The following CCDC171 variants were observed in gnomAD, a reference collection of about 807,000 sequenced individuals.
CCDC171 encodes coiled-coil domain containing 171, also known as coiled-coil domain-containing protein 171.
A neutral mutation model predicts 168.2 loss-of-function variants in CCDC171; 177 were observed. That is an observed-to-expected ratio of 1.05 (90% CI 0.93 to 1.19). The LOEUF (loss-of-function observed/expected upper bound fraction) is 1.19. Ranked by LOEUF, CCDC171 falls within the 50% of genes most tolerant of loss-of-function variation. The pLI, the probability that CCDC171 is intolerant of heterozygous loss-of-function variation, is 0.00. For synonymous variants in CCDC171, 687 were observed against 540.8 expected (o/e 1.27, Z -3.75); for missense variants, 1,991 against 1,539.0 (o/e 1.29, Z -4.91).
chr9:15,960,164 A>G (rs1439195172), intron 25 of CCDC171, among the ~76,000 whole-genome samples: 2 of 152,202 alleles, frequency 1.3e-5, no homozygotes, highest in East Asian at 1.9e-4. Flanking sequence ...GCTATTGTGC[A>G]TCAAAGCTTT....
chr9:15,651,114 A>AT lies in CCDC171; in HGVS notation c.823-6000dup, dbSNP rs1210550059. On this transcript the variant is annotated intron_variant, in intron 7 of 25. Coordinates refer to ENST00000380701, the MANE Select transcript of CCDC171 (RefSeq NM_173550.4). Reference sequence around the variant, plus strand: ...TACTTTTATTTTTTAATTTTTTAGAATTTTTTTTTTTTTGAGATGAAGTCT... The same window carrying AT: ...TACTTTTATTTTTTAATTTTTTAGAATTTTTTTTTTTTTTGAGATGAAGTCT... Among the ~76,000 whole-genome samples the AT allele has an allele frequency of 5.3e-3, 763 of 144,806 alleles. 5 individuals carry two copies. Among genetic ancestry groups the AT allele is most frequent in the African/African-American group, 9.8e-3 (389 of 39,668 alleles). The allele number at this position is 144,806 out of a possible 152,430, so 95.0% of individuals were successfully genotyped here.
chr9:15,994,111 A>G (rs1199514023), intron 3 of CCDC171, among the ~76,000 whole-genome samples: 1 of 152,112 alleles, frequency 6.6e-6, no homozygotes, highest in East Asian at 1.9e-4. Flanking sequence ...GGATTATAAA[A>G]CATGCTCTAT....
chr9:15,593,844 CTGT>C (rs2042156800), intron 5 of CCDC171, among the ~76,000 whole-genome samples, 194 bp from the exon 6 acceptor site: 2 of 151,790 alleles, frequency 1.3e-5, no homozygotes, highest in South Asian at 2.1e-4. Context: ...AAGGTATAAT[CTGT>C]TGTTTAAATA....
chr9:15,643,483 T>C (rs964527222), intron 7 of CCDC171, among the ~76,000 whole-genome samples: 2 of 152,224 alleles, frequency 1.3e-5, no homozygotes, highest in Admixed American at 1.3e-4. Context: ...TAACTTTTTT[T>C]CCACAATGAG....
At chr9:15,959,642 T>A (rs1830151863) in intron 25 of CCDC171, among the ~76,000 whole-genome samples, 1 of 152,042 alleles carries the variant, frequency 6.6e-6, no homozygotes, top group African/African-American at 2.4e-5. Context: ...GTCTAGGCCT[T>A]TTTGAAACAC....
chr9:15,987,980 A>G (rs1392834891), intron 3 of CCDC171, among the ~76,000 whole-genome samples: 2 of 152,234 alleles, frequency 1.3e-5, no homozygotes, highest in African/African-American at 4.8e-5. Context: ...CTTGTGGACA[A>G]TCTGTGGTTG....
At chr9:15,668,020 C>G (rs571060904) in intron 9 of CCDC171, among the ~76,000 whole-genome samples, 1 of 152,116 alleles carries the variant, frequency 6.6e-6, no homozygotes, top group Non-Finnish European at 1.5e-5. Context: ...GCATATAAAT[C>G]TATTTGAAAG....
chr9:16,054,451 T>C (rs138486226), intron 1 of CCDC171, among the ~76,000 whole-genome samples: 4 of 151,974 alleles, frequency 2.6e-5, no homozygotes, highest in South Asian at 2.1e-4. Flanking sequence ...ACCAGCTAGA[T>C]GGGGAGGGAG....
downstream of CCDC171, among the ~76,000 whole-genome samples, chr9:16,066,431 G>A (rs920135549): frequency 6.6e-6 from 1 of 151,286 alleles, no homozygotes; most frequent in African/African-American, 2.4e-5. Flanking sequence ...GTGAAGTCAC[G>A]TGCTGTGTTT....
chr9:15,690,665 A>G (rs1021975508), intron 10 of CCDC171, among the ~76,000 whole-genome samples: 2 of 152,168 alleles, frequency 1.3e-5, no homozygotes, highest in African/African-American at 4.8e-5. Flanking sequence ...ACACTTGATC[A>G]CTTGAAAAAT....
chr9:15,801,726 C>G (rs2058830443), intron 21 of CCDC171, among the ~76,000 whole-genome samples: 1 of 151,994 alleles, frequency 6.6e-6, no homozygotes, highest in South Asian at 2.1e-4. Flanking sequence ...TTTTCTTTCC[C>G]TATTCAGTAT....
intron 24 of CCDC171, among the ~76,000 whole-genome samples, chr9:15,899,058 C>T (rs1188185222): frequency 6.6e-6 from 1 of 152,276 alleles, no homozygotes; most frequent in East Asian, 1.9e-4. Flanking sequence ...AATATAAATG[C>T]AGTCATACAG....
At chr9:15,723,921 T>C (rs2053645779) in intron 13 of CCDC171, among the ~76,000 whole-genome samples, 175 bp downstream of exon 13, 1 of 151,938 alleles carries the variant, frequency 6.6e-6, no homozygotes, top group African/African-American at 2.4e-5. Context: ...GAATGTTTTT[T>C]TCATTTAAAA....
At chr9:16,038,660 CAT>C (rs1833516047), upstream of CCDC171, among the ~76,000 whole-genome samples, 1 of 151,782 alleles carries the variant, frequency 6.6e-6, no homozygotes, top group Non-Finnish European at 1.5e-5. Flanking sequence ...AAGCAAAGAT[CAT>C]ATATAGCAAA....
intron 25 of CCDC171, among the ~76,000 whole-genome samples, chr9:15,958,122 T>C (rs1039573314): frequency 1.3e-5 from 2 of 151,368 alleles, no homozygotes; most frequent in African/African-American, 4.9e-5. Context: ...ATCCATTCAT[T>C]CATTCATTCA....
intron 16 of CCDC171, among the ~76,000 whole-genome samples, chr9:15,733,301 C>A (rs902490795): frequency 1.3e-5 from 2 of 152,016 alleles, no homozygotes; most frequent in South Asian, 2.1e-4. Flanking sequence ...ATTTTTATGA[C>A]CCATTTATCA....
chr9:15,914,920 C>T (rs1333788043), intron 24 of CCDC171, among the ~76,000 whole-genome samples: 1 of 152,112 alleles, frequency 6.6e-6, no homozygotes, highest in East Asian at 1.9e-4. Context: ...ACCCCTTGTG[C>T]TTCCCGGGTG....
intron 21 of CCDC171, among the ~76,000 whole-genome samples, chr9:15,840,172 G>A (rs1297278067): frequency 2.6e-5 from 4 of 151,742 alleles, no homozygotes; most frequent in Admixed American, 6.6e-5. Flanking sequence ...AACAATTCTC[G>A]AAGTTGAAAG....
chr9:15,608,578 C>A (rs1425431331), intron 6 of CCDC171, among the ~76,000 whole-genome samples: 1 of 151,930 alleles, frequency 6.6e-6, no homozygotes, highest in Non-Finnish European at 1.5e-5. Context: ...ATTGGCCATT[C>A]ACATTTCTTT....
Sources: gnomAD v4.1 joint callset for allele counts (sites outside exome capture counted in the v4.1 genomes callset) on GRCh38, gnomAD v4.1.1 for gene constraint, MANE v1.5 for transcripts, NCBI Gene and HGNC (gene_info 2026-07-23, HGNC 2026-07-21) for gene names.